HSPB1: variants seen among roughly 807,000 people sequenced by gnomAD.
HSPB1 encodes the protein heat shock protein beta-1.
In HSPB1, 19 loss-of-function variants were observed where a neutral mutation model predicts 17.0. That is an observed-to-expected ratio of 1.12 (90% CI 0.78 to 1.64). The LOEUF (loss-of-function observed/expected upper bound fraction) is 1.64, where lower values mean the gene tolerates loss of function less well. Ranked by LOEUF, HSPB1 falls within the 40% of genes most tolerant of loss-of-function variation. The pLI, the probability that HSPB1 is intolerant of heterozygous loss-of-function variation, is 0.00. For missense variants in HSPB1, 348 were observed against 289.2 expected (o/e 1.20, Z -1.47); for synonymous variants, 165 against 129.8 (o/e 1.27, Z -1.84).
At chr7:76,303,726 A>C in intron 1 of HSPB1, 76 bp from the exon 2 acceptor site, 1 of 1,290,738 alleles carries the variant, frequency 7.7e-7, no homozygotes, top group South Asian at 1.2e-5. Flanking sequence ...TCCAAGCAGG[A>C]GGTGGGGCCT....
intron 1 of HSPB1, chr7:76,303,524 G>T: frequency 1.8e-6 from 1 of 565,372 alleles, no homozygotes; most frequent in Admixed American, 3.1e-5. Context: ...GTTTCTAGCC[G>T]CTGAGTGGGC....
Position 76,302,974 on chromosome 7 carries a change from A to C in HSPB1, c.262A>C (p.Ile88Leu), listed in dbSNP as rs1490766784. The change falls in exon 1 of 3, where the codon ATC (isoleucine) becomes CTC (leucine). Residue 88 changes from isoleucine to leucine, a missense_variant. By Grantham distance (5) the Ile-to-Leu change is conservative. Transcript: ENST00000248553. ...GCAACTCAGCAGCGGGGTCTCGGAG[A>C]TCCGGCACACTGCGGACCGCTGGCG... ...SRQLSSGVSE[I>L]RHTADRWRVS... 3 of 1,544,112 alleles carry C rather than the reference A, an allele frequency of 1.9e-6. No homozygotes were observed. The highest frequency in any genetic ancestry group is 2.6e-6 in the Non-Finnish European group (3 of 1,150,438).
In HSPB1 at chr7:76,302,879, G is replaced by T; in HGVS notation, c.167G>T (p.Arg56Leu). ...GGCAGCAGCTGGCCAGGCTACGTGC[G>T]CCCCCTGCCCCCCGCCGCCATCGAG... ...LGGSSWPGYV[R>L]PLPPAAIESP... Residue 56 changes from arginine (R) to leucine (L), a missense_variant, in exon 1 of 3, where the codon CGC becomes CTC. Coordinates refer to ENST00000248553, the MANE Select transcript of HSPB1 (RefSeq NM_001540.5). 2 of 1,564,810 alleles carry T rather than the reference G, an allele frequency of 1.3e-6. No individual in the cohort carries two copies. The highest frequency in any genetic ancestry group is 1.9e-4 in the Middle Eastern group (1 of 5,264).
intron 1 of HSPB1, 122 bp downstream of exon 1, chr7:76,303,198 A>G: frequency 8.3e-7 from 1 of 1,203,296 alleles, no homozygotes; most frequent in Non-Finnish European, 1.1e-6. Context: ...CAGCACCGGG[A>G]AAAACAGGAC....
intron 1 of HSPB1, 45 bp from the exon 2 acceptor site, chr7:76,303,757 G>A (rs779384815): frequency 6.3e-7 from 1 of 1,578,520 alleles, no homozygotes; most frequent in Non-Finnish European, 8.7e-7. Flanking sequence ...GGGGCCGAAA[G>A]GCAGTCCCCT....
At position 76,302,925 on chromosome 7, in the gene HSPB1, C is replaced by G. The variant is rs1324245771; in HGVS notation, c.213C>G (p.Pro71=). The G allele has an allele frequency of 6.5e-7, 1 of 1,544,698 alleles. No individual in the cohort carries two copies. The highest frequency in any genetic ancestry group is 1.9e-5 in the Admixed American group (1 of 51,828). The change falls in exon 1 of 3, where the codon CCC becomes CCG. Residue 71 remains proline, a synonymous_variant. Transcript: ENST00000248553. ...TCGAGAGCCCCGCAGTGGCCGCGCCCGCCTACAGCCGCGCGCTCAGCCGGC... is the reference window on the plus strand; with the variant it reads ...TCGAGAGCCCCGCAGTGGCCGCGCCGGCCTACAGCCGCGCGCTCAGCCGGC... ...AAIESPAVAA[P]AYSRALSRQL...
At chr7:76,303,890 T>TG (rs1563652718) in intron 2 of HSPB1, 25 bp downstream of exon 2, 1 of 635,434 alleles carries the variant, frequency 1.6e-6, no homozygotes, top group Non-Finnish European at 2.7e-6. Context: ...CAGGTCGGGG[T>TG]GGGTGGGTGG....
At chr7:76,303,549 A>C (rs1269477199) in intron 1 of HSPB1, 1 of 581,268 alleles carries the variant, frequency 1.7e-6, no homozygotes, top group Non-Finnish European at 3.1e-6. Flanking sequence ...GCGCGGCTCC[A>C]AGTGCGCCTG....
At chr7:76,303,664 C>T (rs1803052719) in intron 1 of HSPB1, 138 bp from the exon 2 acceptor site, 1 of 675,482 alleles carries the variant, frequency 1.5e-6, no homozygotes, top group East Asian at 2.7e-5. Context: ...CGGGCACGCC[C>T]CCATCCCCAA....
chr7:76,303,045 C>G lies in HSPB1; in HGVS notation c.333C>G (p.Val111=). Residue 111 remains valine (V), a synonymous_variant, in exon 1 of 3, where the codon GTC becomes GTG. Transcript: ENST00000248553. ...ACTTCGCCCCGGACGAGCTGACGGT[C>G]AAGACCAAGGATGGCGTGGTGGAGA... is the stretch of plus-strand genomic sequence containing the variant. ...VNHFAPDELT[V]KTKDGVVEIT... 6.5e-7 allele frequency: 1 copy of G among 1,541,258 alleles called. No homozygotes were observed. The highest frequency in any genetic ancestry group is 8.7e-7 in the Non-Finnish European group (1 of 1,147,620).
In HSPB1 at chr7:76,304,050, G is replaced by A; in HGVS notation, c.495G>A (p.Val165=). The A allele has an allele frequency of 1.2e-6, 2 of 1,613,832 alleles. No individual in the cohort carries two copies. Among genetic ancestry groups the A allele is most frequent in the Non-Finnish European group, 1.7e-6 (2 of 1,179,968 alleles). The change falls in exon 3 of 3, where the codon GTG becomes GTA. Residue 165 remains valine, a synonymous_variant. Coordinates refer to ENST00000248553, the MANE Select transcript of HSPB1 (RefSeq NM_001540.5). ...SSLSPEGTLT[V]EAPMPKLATQ... ...TGTCCCCTGAGGGCACACTGACCGT[G>A]GAGGCCCCCATGCCCAAGCTAGCCA...
At position 76,302,976 on chromosome 7, in the gene HSPB1, C is replaced by G. The variant is rs1803028479; in HGVS notation, c.264C>G (p.Ile88Met). ...SRQLSSGVSE[I>M]RHTADRWRVS... ...AACTCAGCAGCGGGGTCTCGGAGAT[C>G]CGGCACACTGCGGACCGCTGGCGCG... is the stretch of plus-strand genomic sequence containing the variant. The change falls in exon 1 of 3, where the codon ATC becomes ATG. Residue 88 changes from isoleucine to methionine, a missense_variant. Physicochemically the swap from Ile to Met is conservative, Grantham distance 10. Transcript: ENST00000248553. 3 of 1,544,270 alleles carry G rather than the reference C, an allele frequency of 1.9e-6. No homozygotes were observed. The highest frequency in any genetic ancestry group is 1.7e-6 in the Non-Finnish European group (2 of 1,150,404).
At position 76,303,072 on chromosome 7, in the gene HSPB1, C is replaced by A; in HGVS notation, c.360C>A (p.Ile120=). The A allele has an allele frequency of 6.6e-7, 1 of 1,525,270 alleles. No individual in the cohort carries two copies. The highest frequency in any genetic ancestry group is 1.4e-5 in the African/African-American group (1 of 73,398). The allele number at this position is 1,525,270 out of a possible 1,614,324, so 94.5% of individuals were successfully genotyped here. The change falls in exon 1 of 3, where the codon ATC becomes ATA. Residue 120 remains isoleucine (I), a synonymous_variant. Coordinates refer to ENST00000248553, the MANE Select transcript of HSPB1 (RefSeq NM_001540.5). The part of the protein sequence containing the change: ...TVKTKDGVVE[I]TGKHEERQDE... Reference sequence around the variant, plus strand: ...AGACCAAGGATGGCGTGGTGGAGATCACCGGTGAGCCCCCCTGCTCCTGCA... The same window carrying A: ...AGACCAAGGATGGCGTGGTGGAGATAACCGGTGAGCCCCCCTGCTCCTGCA...
chr7:76,303,760 A>G, intron 1 of HSPB1, 42 bp from the exon 2 acceptor site: 2 of 1,579,590 alleles, frequency 1.3e-6, no homozygotes, highest in Non-Finnish European at 1.7e-6. Flanking sequence ...GCCGAAAGGC[A>G]GTCCCCTCCC....
intron 2 of HSPB1, 36 bp downstream of exon 2, chr7:76,303,901 C>CGTGGGG (rs778686522): frequency 4.0e-5 from 23 of 573,704 alleles, no homozygotes; most frequent in South Asian, 1.1e-4. Context: ...GGGTGGGTGG[C>CGTGGGG]GTGGGGGTGG....
At position 76,304,092 on chromosome 7, in the gene HSPB1, C is replaced by A. The variant is rs372981842; in HGVS notation, c.537C>A (p.Ile179=). 6.8e-6 allele frequency: 11 copies of A among 1,613,668 alleles called. No homozygotes were observed. The African/African-American group carries it at 1.3e-4, about 20-fold the overall frequency. ...AGCTAGCCACGCAGTCCAACGAGATCACCATCCCAGTCACCTTCGAGTCGC... is the reference window on the plus strand; with the variant it reads ...AGCTAGCCACGCAGTCCAACGAGATAACCATCCCAGTCACCTTCGAGTCGC... ...MPKLATQSNE[I]TIPVTFESRA... is the part of the protein sequence containing the mutation. Residue 179 remains isoleucine (I), a synonymous_variant, in exon 3 of 3, where the codon ATC becomes ATA. Transcript: ENST00000248553.
Position 76,303,797 on chromosome 7 carries a change from C to A in HSPB1, c.365-5C>A, listed in dbSNP as rs368936457. 12 of 1,610,354 alleles carry A rather than the reference C, an allele frequency of 7.5e-6. No homozygotes were observed. The highest frequency in any genetic ancestry group is 2.2e-5 in the East Asian group (1 of 44,812). ...CGCAGTCTGATTTCCCTCTTCCCCC[C>A]AAAGGCAAGCACGAGGAGCGGCAGG... On this transcript the variant is annotated splice_region_variant and splice_polypyrimidine_tract_variant and intron_variant, in intron 1 of 2. Coordinates refer to ENST00000248553, the MANE Select transcript of HSPB1 (RefSeq NM_001540.5).
In HSPB1 at chr7:76,303,992, C is replaced by G. The variant is rs780691682; in HGVS notation, c.437C>G (p.Pro146Arg). The G allele has an allele frequency of 1.9e-6, 3 of 1,613,818 alleles. No homozygotes were observed. The highest frequency in any genetic ancestry group is 2.5e-6 in the Non-Finnish European group (3 of 1,180,008). ...CCTCTCTGCACGTCCAGGCTGCCCCCCGGTGTGGACCCCACCCAAGTTTCC... is the reference window on the plus strand; with the variant it reads ...CCTCTCTGCACGTCCAGGCTGCCCCGCGGTGTGGACCCCACCCAAGTTTCC... ...RCFTRKYTLP[P>R]GVDPTQVSSS... The change falls in exon 3 of 3, where the codon CCC becomes CGC. Residue 146 changes from proline (P) to arginine (R), a missense_variant. Coordinates refer to ENST00000248553, the MANE Select transcript of HSPB1 (RefSeq NM_001540.5).
chr7:76,303,764 C>T (rs1414735016), intron 1 of HSPB1, 38 bp from the exon 2 acceptor site: 4 of 1,592,226 alleles, frequency 2.5e-6, no homozygotes, highest in South Asian at 1.1e-5. Flanking sequence ...AAAGGCAGTC[C>T]CCTCCCCCGC....
Sources: gnomAD v4.1 joint callset for allele counts on GRCh38, gnomAD v4.1.1 for gene constraint, MANE v1.5 for transcripts, NCBI Gene and HGNC (gene_info 2026-07-23, HGNC 2026-07-21) for gene names.